Variants in PCDHGA6 observed in about 807,000 individuals in gnomAD.
The protein encoded by PCDHGA6 is protocadherin gamma subfamily A, 6.
A neutral mutation model predicts 60.6 loss-of-function variants in PCDHGA6; 41 were observed. That is an observed-to-expected ratio of 0.68 (90% confidence interval 0.53 to 0.88). The LOEUF is 0.88. Ranked by LOEUF, PCDHGA6 falls within the 40% of genes least tolerant of loss-of-function variation. The pLI is 0.00. For synonymous variants in PCDHGA6, 594 were observed against 524.4 expected, an observed-to-expected ratio of 1.13 and a Z score of -1.81; for missense variants, 1,312 against 1,203.0, an observed-to-expected ratio of 1.09 and a Z score of -1.34.
At chr5:141,394,097 A>C in intron 1 of PCDHGA6, 1 of 1,613,932 alleles carries the variant, frequency 6.2e-7, no homozygotes, top group South Asian at 1.1e-5. Context: ...CAGATCTAGG[A>C]ACACCACCTC....
At chr5:141,392,815 T>C (rs1361544072) in intron 1 of PCDHGA6, 8 of 1,586,560 alleles carry the variant, frequency 5.0e-6, no homozygotes, top group East Asian at 2.2e-5. Flanking sequence ...AAAACAACAA[T>C]GGCCGCTCCA....
At chr5:141,383,236 A>G in intron 1 of PCDHGA6, 1 of 1,613,978 alleles carries the variant, frequency 6.2e-7, no homozygotes, top group Non-Finnish European at 8.5e-7. Context: ...GATGGAAGAT[A>G]AAATGAATCT....
Position 141,487,059 on chromosome 5 carries a change from G to A in PCDHGA6, c.2425-7748G>A, listed in dbSNP as rs760836605. 1.7e-5 allele frequency: 27 copies of A among 1,613,952 alleles called. No homozygotes were observed. Among genetic ancestry groups the A allele is most frequent in the Non-Finnish European group, 2.0e-5 (24 of 1,179,994 alleles). On this transcript the variant is annotated intron_variant, in intron 1 of 3. Transcript: ENST00000517434. This position sits in a 1 kb window ranked among gnomAD's most constrained non-coding sequence, Gnocchi z 5.0. ...GTCTCTCGATATGCTGGGGAGGTGC[G>A]GACGGCTGTTCCTATCCCAGCTGAC...
At chr5:141,460,459 T>A (rs2098989808) in intron 1 of PCDHGA6, among the ~76,000 whole-genome samples, 1 of 152,176 alleles carries the variant, frequency 6.6e-6, no homozygotes, top group South Asian at 2.1e-4. Flanking sequence ...ATTCATATTT[T>A]TTTCCAAAGG....
chr5:141,374,030 T>G lies in PCDHGA6; in HGVS notation c.-54T>G. On this transcript the variant is annotated 5_prime_UTR_variant, in exon 1 of 4. The change abolishes an upstream ATG in the 5' untranslated region. Coordinates refer to ENST00000517434, the MANE Select transcript of PCDHGA6 (RefSeq NM_018919.3). ...CTATTTCTGAGAAGAGCAAAAGTGA[T>G]GCAGATCTGTTCTTCCTCTTCTTAA... The G allele has an allele frequency of 7.0e-7, 1 of 1,430,454 alleles. No homozygotes were observed. The allele number at this position is 1,430,454 out of a possible 1,614,324, so 88.6% of individuals were successfully genotyped here. A position where few individuals can be genotyped will look rare whatever the true frequency, so the allele number is the denominator to read the frequency against.
At chr5:141,386,834 G>A (rs1253552836) in intron 1 of PCDHGA6, among the ~76,000 whole-genome samples, 1 of 152,192 alleles carries the variant, frequency 6.6e-6, no homozygotes, top group East Asian at 1.9e-4. Context: ...GCAATGGAGA[G>A]ACATAATCAC....
intron 1 of PCDHGA6, chr5:141,398,829 C>T (rs1020690994): frequency 3.1e-6 from 5 of 1,613,876 alleles, no homozygotes; most frequent in African/African-American, 2.7e-5. Context: ...AGGTAACCGA[C>T]GCCAATGATA....
At chr5:141,377,878 G>A (rs568106041) in intron 1 of PCDHGA6, 1 of 152,254 alleles carries the variant, frequency 6.6e-6, no homozygotes, top group East Asian at 1.9e-4. Flanking sequence ...TCTCTTATCA[G>A]AGATAGGATC....
Position 141,486,585 on chromosome 5 carries a change from G to A in PCDHGA6, c.2425-8222G>A. The A allele has an allele frequency of 6.2e-7, 1 of 1,613,708 alleles. No individual in the cohort carries two copies. The highest frequency in any genetic ancestry group is 1.1e-5 in the South Asian group (1 of 91,080). ...TTTGTTCCTGAGAACAATCGCCCAG[G>A]GGACCTGCTTTGCTCCCTTGCAGCC... On this transcript the variant is annotated intron_variant, in intron 1 of 3. Transcript: ENST00000517434. The surrounding 1 kb of genome is among the most constrained non-coding windows in gnomAD (Gnocchi z 5.0).
intron 1 of PCDHGA6, chr5:141,417,843 G>C: frequency 6.5e-7 from 1 of 1,539,250 alleles, no homozygotes; most frequent in Non-Finnish European, 8.8e-7. Context: ...GGGACCCAGC[G>C]AGAACCCGAG....
chr5:141,415,896 AC>A, intron 1 of PCDHGA6: 1 of 882,726 alleles, frequency 1.1e-6, no homozygotes, highest in East Asian at 3.3e-5. Flanking sequence ...AATTCCTAAG[AC>A]AGACTTCCAT....
chr5:141,422,996 C>T (rs1473025630), intron 1 of PCDHGA6: 1 of 1,614,224 alleles, frequency 6.2e-7, no homozygotes, highest in South Asian at 1.1e-5. Context: ...TACCTGGTGA[C>T]CAAGGTGGTT....
chr5:141,393,613 G>A, intron 1 of PCDHGA6: 1 of 1,613,926 alleles, frequency 6.2e-7, no homozygotes, highest in Non-Finnish European at 8.5e-7. Flanking sequence ...GTAACAGCCA[G>A]CGACCCGGAT....
At chr5:141,400,059 T>C (rs2093953035) in intron 1 of PCDHGA6, 2 of 1,613,750 alleles carry the variant, frequency 1.2e-6, no homozygotes, top group South Asian at 2.2e-5. Context: ...CTGTGCGTGA[T>C]GGTGGACAGC....
At chr5:141,452,751 A>C (rs1592230802) in intron 1 of PCDHGA6, among the ~76,000 whole-genome samples, 1 of 152,094 alleles carries the variant, frequency 6.6e-6, no homozygotes, top group South Asian at 2.1e-4. Context: ...AGAAGGAAGA[A>C]GGAAGGGAGG....
intron 1 of PCDHGA6, chr5:141,408,864 C>T: frequency 1.2e-6 from 2 of 1,613,638 alleles, no homozygotes; most frequent in Non-Finnish European, 8.5e-7. Context: ...GGGGACCCAC[C>T]AAGAAGTGCC....
In PCDHGA6 at chr5:141,491,158, GA is replaced by G; in HGVS notation, c.2425-3648del. On this transcript the variant is annotated intron_variant, in intron 1 of 3. Transcript: ENST00000517434. This position sits in a 1 kb window ranked among gnomAD's most constrained non-coding sequence, Gnocchi z 6.9. ...CCGGGCCTTACTGGAGGATGACTCT[GA>G]CACCCAGCAGGTGGTGGTCCTGGTG... 6.2e-7 allele frequency: 1 copy of G among 1,614,130 alleles called. No homozygotes were observed. The highest frequency in any genetic ancestry group is 8.5e-7 in the Non-Finnish European group (1 of 1,179,972).
intron 1 of PCDHGA6, among the ~76,000 whole-genome samples, chr5:141,397,240 T>C (rs1291416263): frequency 6.6e-6 from 1 of 152,176 alleles, no homozygotes; most frequent in Non-Finnish European, 1.5e-5. Flanking sequence ...AAGAGCAACG[T>C]AGTAGGGTAT....
At position 141,399,354 on chromosome 5, in the gene PCDHGA6, G is replaced by A. The variant is rs559321354; in HGVS notation, c.2424+22847G>A. The A allele has an allele frequency of 3.7e-6, 6 of 1,614,008 alleles. No homozygotes were observed. The Admixed American group carries it at 1.0e-4, about 27-fold the overall frequency. On this transcript the variant is annotated intron_variant, in intron 1 of 3. Coordinates refer to ENST00000517434, the MANE Select transcript of PCDHGA6 (RefSeq NM_018919.3). ...TAACAGATGGAACCCTAGACCGAGA[G>A]CAAACCCCGGAGTACAATGTCACCA...
Sources: allele counts gnomAD v4.1 joint callset (sites outside exome capture counted in the v4.1 genomes callset), GRCh38; gene constraint gnomAD v4.1.1; non-coding constraint Gnocchi (gnomAD v3.1); transcripts MANE v1.5; gene names NCBI Gene and HGNC (gene_info 2026-07-23, HGNC 2026-07-21).